Variants in AP3B2 observed in about 807,000 individuals in gnomAD.
AP3B2 encodes AP-3 complex subunit beta-2.
A neutral mutation model predicts 126.9 loss-of-function variants in AP3B2; 50 were observed. The observed-to-expected ratio is 0.39, with a 90% confidence interval of 0.31 to 0.50. The LOEUF (loss-of-function observed/expected upper bound fraction) is 0.50, where lower values mean the gene tolerates loss of function less well. Ranked by LOEUF, AP3B2 falls within the 20% of genes least tolerant of loss-of-function variation. The pLI is 0.79. For synonymous variants in AP3B2, 541 were observed against 565.0 expected, an observed-to-expected ratio of 0.96 and a Z score of 0.60; for missense variants, 1,177 against 1,426.4, an observed-to-expected ratio of 0.83 and a Z score of 2.82.
rs375983123 is a variant in AP3B2 at position 82,676,494 on chromosome 15, C to G, written c.1632G>C (p.Leu544=). 49 of 1,613,866 alleles carry G rather than the reference C, an allele frequency of 3.0e-5. No homozygotes were observed. The highest frequency in any genetic ancestry group is 4.2e-5 in the Non-Finnish European group (49 of 1,179,890). The change falls in exon 14 of 27, where the codon CTG becomes CTC. Residue 544 remains leucine, a synonymous_variant. Transcript: ENST00000535359. ...EDIVKLQVIN[L]AAKLYLTNSK... is the part of the protein sequence containing the mutation. ...AGTTGGTCAGGTAGAGCTTGGCTGC[C>G]AGGTTGATGACCTGCAGCTTGACAA...
chr15:82,661,868 C>T lies in AP3B2; in HGVS notation c.2973G>A (p.Met991Ile), dbSNP rs2047957004. 1.9e-6 allele frequency: 3 copies of T among 1,613,738 alleles called. No homozygotes were observed. The highest frequency in any genetic ancestry group is 1.7e-5 in the Admixed American group (1 of 59,968). The change falls in exon 25 of 27, where the codon ATG becomes ATA. Residue 991 changes from methionine (M) to isoleucine (I), a missense_variant. Transcript: ENST00000535359. The stretch of plus-strand genomic sequence containing the variant: ...CATTTTCACTCATGAACACAGGGGC[C>T]ATCAGCTCCCCAACAGGTGGCTGAA... Reference protein sequence around the residue: ...VSIQPPVGELMAPVFMSENEF... With the variant: ...VSIQPPVGELIAPVFMSENEF...
In AP3B2 at chr15:82,680,666, G is replaced by A. The variant is rs2048322859; in HGVS notation, c.861C>T (p.Ala287=). The part of the protein sequence containing the change: ...AKGAGSEETA[A]AAAPSRKPYV... ...AGGGCTTTCGGGAGGGGGCGGCCGC[G>A]GCGGCCGTCTCCTCAGACCCCGCGC... Residue 287 remains alanine (A), a synonymous_variant, in exon 8 of 27, where the codon GCC becomes GCT. Transcript: ENST00000535359. The surrounding 1 kb of genome is among the most constrained non-coding windows in gnomAD (Gnocchi z 6.1). The A allele has an allele frequency of 6.3e-7, 1 of 1,580,176 alleles. No individual in the cohort carries two copies. Among genetic ancestry groups the A allele is most frequent in the Non-Finnish European group, 8.6e-7 (1 of 1,168,096 alleles).
At position 82,664,830 on chromosome 15, in the gene AP3B2, C is replaced by T; in HGVS notation, c.2137+5G>A. ...CAGAGGACCCCAGCTCTGCCATCTGCTCACCACTGTCTGCGGACTCCGTGG... is the reference window on the plus strand; with the variant it reads ...CAGAGGACCCCAGCTCTGCCATCTGTTCACCACTGTCTGCGGACTCCGTGG... On this transcript the variant is annotated splice_donor_5th_base_variant and intron_variant, in intron 18 of 26. Coordinates refer to ENST00000535359, the MANE Select transcript of AP3B2 (RefSeq NM_001278512.2). The surrounding 1 kb of genome is among the most constrained non-coding windows in gnomAD (Gnocchi z 4.5). 11 of 1,583,502 alleles carry T rather than the reference C, an allele frequency of 6.9e-6. No individual in the cohort carries two copies. Among genetic ancestry groups the T allele is most frequent in the Non-Finnish European group, 9.5e-6 (11 of 1,162,498 alleles).
At chr15:82,695,759 T>G (rs28852823) in intron 1 of AP3B2, among the ~76,000 whole-genome samples, 220 of 152,276 alleles carry the variant, frequency 1.4e-3, no homozygotes, top group African/African-American at 5.1e-3. Flanking sequence ...AACCCCTGAT[T>G]TATAGCCAGT....
chr15:82,671,830 G>A (rs1193486698), intron 14 of AP3B2, among the ~76,000 whole-genome samples: 6 of 151,718 alleles, frequency 4.0e-5, no homozygotes, highest in African/African-American at 7.3e-5. Context: ...GATCACTTGC[G>A]GCCAGGAGTT....
intron 23 of AP3B2, 83 bp from the exon 24 acceptor site, chr15:82,662,335 C>T (rs2151427295): frequency 9.4e-7 from 1 of 1,062,960 alleles, no homozygotes; most frequent in South Asian, 1.4e-5. Flanking sequence ...CCCTACTCTC[C>T]TCTCCACTGT....
intron 14 of AP3B2, among the ~76,000 whole-genome samples, chr15:82,673,159 C>T (rs1317733141): frequency 1.3e-5 from 2 of 152,156 alleles, no homozygotes; most frequent in Admixed American, 6.5e-5. Flanking sequence ...TAGCAGAAAA[C>T]TAATACAATT....
intron 23 of AP3B2, 188 bp downstream of exon 23, chr15:82,662,506 C>T (rs2047968996): frequency 2.9e-6 from 2 of 692,816 alleles, no homozygotes; most frequent in Non-Finnish European, 4.8e-6. Context: ...GCAAGCACCT[C>T]CCGCCCTGAT....
intron 10 of AP3B2, among the ~76,000 whole-genome samples, chr15:82,678,619 G>A (rs1156982346): frequency 6.6e-6 from 1 of 152,044 alleles, no homozygotes; most frequent in Non-Finnish European, 1.5e-5. Flanking sequence ...TCCCATTTCT[G>A]TCCCTGCATA....
chr15:82,693,635 AAG>A (rs1265331342), intron 1 of AP3B2, among the ~76,000 whole-genome samples: 47 of 108,642 alleles, frequency 4.3e-4, no homozygotes, highest in Non-Finnish European at 2.5e-4. Flanking sequence ...AATACAAAAG[AAG>A]GAAGGGAAGA....
chr15:82,668,314 T>G (rs960591605), intron 14 of AP3B2, among the ~76,000 whole-genome samples: 43 of 152,210 alleles, frequency 2.8e-4, no homozygotes, highest in African/African-American at 1.0e-3. Flanking sequence ...CATGCACCGC[T>G]AATAGAATAG....
In AP3B2 at chr15:82,681,392, G is replaced by A. The variant is rs780398441; in HGVS notation, c.521+28C>T. 1 of 1,611,200 alleles carries A rather than the reference G, an allele frequency of 6.2e-7. No homozygotes were observed. The highest frequency in any genetic ancestry group is 1.3e-5 in the African/African-American group (1 of 74,890). ...TGAGAACTTAGGAACCAGCCTCCTG[G>A]GGAGCGTGGGACAGGGCTGGGGCAT... On this transcript the variant is annotated intron_variant, in intron 5 of 26. Coordinates refer to ENST00000535359, the MANE Select transcript of AP3B2 (RefSeq NM_001278512.2). This position sits in a 1 kb window ranked among gnomAD's most constrained non-coding sequence, Gnocchi z 4.0.
chr15:82,668,288 T>TA (rs2151432184), intron 14 of AP3B2, among the ~76,000 whole-genome samples: 1 of 152,346 alleles, frequency 6.6e-6, no homozygotes, highest in African/African-American at 2.4e-5. Context: ...TAGTCACAGA[T>TA]AAGCAATCCC....
At chr15:82,670,685 A>G (rs896204192) in intron 14 of AP3B2, among the ~76,000 whole-genome samples, 10 of 152,236 alleles carry the variant, frequency 6.6e-5, no homozygotes, top group African/African-American at 1.7e-4. Flanking sequence ...ACGGGCAACC[A>G]AAGCAAAAGT....
chr15:82,691,686 A>T (rs2048536369), intron 1 of AP3B2: 1 of 1,440,834 alleles, frequency 6.9e-7, no homozygotes, highest in Non-Finnish European at 9.2e-7. Flanking sequence ...CAGCTCAGTT[A>T]ACCTAAAAAA....
chr15:82,672,030 C>G (rs2048167755), intron 14 of AP3B2, among the ~76,000 whole-genome samples: 1 of 152,182 alleles, frequency 6.6e-6, no homozygotes, highest in African/African-American at 2.4e-5. Flanking sequence ...GGTGACAGTG[C>G]AAGACTCCAT....
chr15:82,661,610 A>G lies in AP3B2; in HGVS notation c.3016+215T>C, dbSNP rs547464134. On this transcript the variant is annotated intron_variant, in intron 25 of 26. Transcript: ENST00000535359. ...TCGTTCATTTACATACTGTCTGTGGATGTTTCTATGTTTCAACAGCCACAG... is the reference window on the plus strand; with the variant it reads ...TCGTTCATTTACATACTGTCTGTGGGTGTTTCTATGTTTCAACAGCCACAG... 4.9e-4 allele frequency among the ~76,000 whole-genome samples: 75 copies of G among 152,334 alleles called. 1 individual carries two copies. The highest frequency in any genetic ancestry group is 1.7e-3 in the African/African-American group (70 of 41,582).
intron 1 of AP3B2, among the ~76,000 whole-genome samples, chr15:82,694,867 C>T (rs76692646): frequency 0.024 from 3,636 of 152,218 alleles, 74 homozygotes; most frequent in Admixed American, 0.039. Flanking sequence ...TATATTTGGT[C>T]TCTATACCCC....
chr15:82,667,823 G>A (rs988276474), intron 14 of AP3B2, among the ~76,000 whole-genome samples: 2 of 152,152 alleles, frequency 1.3e-5, no homozygotes, highest in African/African-American at 4.8e-5. Flanking sequence ...ACTGCACCTA[G>A]GCCTGCATCT....
Sources: gnomAD v4.1 joint callset for allele counts (sites outside exome capture counted in the v4.1 genomes callset) on GRCh38, gnomAD v4.1.1 for gene constraint, Gnocchi (gnomAD v3.1) non-coding constraint, MANE v1.5 for transcripts, NCBI Gene and HGNC (gene_info 2026-07-23, HGNC 2026-07-21) for gene names.